The following AK7 variants were observed in gnomAD, a reference collection of about 807,000 sequenced individuals.
AK7 encodes the protein adenylate kinase 7.
In AK7, 78 loss-of-function variants were observed where a neutral mutation model predicts 96.6. The ratio of observed to expected loss-of-function variants is 0.81; its 90% confidence interval spans 0.67 to 0.97. The LOEUF is 0.97. AK7 is among the 50% of genes least tolerant of loss of function. The probability of loss-of-function intolerance (pLI) is 0.00; values close to 1 mark genes in which losing one functional copy is unlikely to be tolerated. For missense variants in AK7, 855 were observed against 887.9 expected (o/e 0.96, Z 0.47); for synonymous variants, 302 against 317.2 (o/e 0.95, Z 0.51).
chr14:96,417,287 A>G (rs909206430), intron 4 of AK7, among the ~76,000 whole-genome samples: 1 of 70,160 alleles, frequency 1.4e-5, no homozygotes, highest in Non-Finnish European at 2.8e-5. Flanking sequence ...TAGCATACCT[A>G]TACCCTGTGC....
intron 11 of AK7, among the ~76,000 whole-genome samples, 193 bp from the exon 12 acceptor site, chr14:96,457,890 C>T (rs1455894275): frequency 6.6e-6 from 1 of 152,136 alleles, no homozygotes; most frequent in Non-Finnish European, 1.5e-5. Context: ...CTTAAATATG[C>T]TGTAAGAAAA....
intron 9 of AK7, among the ~76,000 whole-genome samples, chr14:96,450,838 G>T (rs987442249): frequency 9.6e-5 from 14 of 145,102 alleles, no homozygotes; most frequent in African/African-American, 3.4e-4. Context: ...GCAGTGGCGC[G>T]ATCTCGGCTC....
chr14:96,459,699 G>A (rs1894148235), intron 12 of AK7, among the ~76,000 whole-genome samples: 1 of 151,668 alleles, frequency 6.6e-6, no homozygotes, highest in South Asian at 2.1e-4. Flanking sequence ...CCAAGATGAT[G>A]AAACCCGTCT....
At chr14:96,427,606 C>G (rs1029852691) in intron 5 of AK7, among the ~76,000 whole-genome samples, 2 of 152,180 alleles carry the variant, frequency 1.3e-5, no homozygotes, top group Non-Finnish European at 2.9e-5. Context: ...TTGTTTGAGT[C>G]AAATCTGCAT....
chr14:96,449,973 T>C, intron 9 of AK7, 94 bp downstream of exon 9: 1 of 1,001,860 alleles, frequency 1.0e-6, no homozygotes, highest in South Asian at 1.6e-5. Flanking sequence ...TTTGGCTAAA[T>C]AACATTGATC....
chr14:96,413,105 CTG>C (rs1343828615), intron 4 of AK7, among the ~76,000 whole-genome samples: 1 of 152,116 alleles, frequency 6.6e-6, no homozygotes, highest in Non-Finnish European at 1.5e-5. Flanking sequence ...GGAGTTGATT[CTG>C]TGTCTTGGGC....
chr14:96,424,961 T>A (rs1482571385), intron 5 of AK7, among the ~76,000 whole-genome samples: 2 of 152,214 alleles, frequency 1.3e-5, no homozygotes, highest in African/African-American at 2.4e-5. Context: ...TTAATATATT[T>A]TTATTACAAA....
At chr14:96,408,017 C>G (rs1890822703) in intron 3 of AK7, among the ~76,000 whole-genome samples, 1 of 152,164 alleles carries the variant, frequency 6.6e-6, no homozygotes, top group African/African-American at 2.4e-5. Context: ...ATAAAATGCT[C>G]TCCTTTCTCT....
chr14:96,443,674 G>T (rs1048282651), intron 7 of AK7, among the ~76,000 whole-genome samples: 2 of 151,724 alleles, frequency 1.3e-5, no homozygotes, highest in East Asian at 3.9e-4. Flanking sequence ...CCAATCTTTC[G>T]GCTTCCCTGG....
In AK7 at chr14:96,458,134, G is replaced by A. The variant is rs1894038607; in HGVS notation, c.1279G>A (p.Glu427Lys). ...DVGEGEEEVE[E>K]EEEEENVEDA... is the part of the protein sequence containing the mutation. Reference sequence around the variant, plus strand: ...AGGGGAAGGAGAAGAAGAAGTCGAAGAGGAAGAGGAGGAGGAGAATGTGGA... The same window carrying A: ...AGGGGAAGGAGAAGAAGAAGTCGAAAAGGAAGAGGAGGAGGAGAATGTGGA... Residue 427 changes from glutamate (E) to lysine (K), a missense_variant, in exon 12 of 18, where the codon GAG (glutamate) becomes AAG (lysine). Glu to Lys is a moderately conservative substitution (Grantham distance 56). Transcript: ENST00000267584. 1 of 1,614,060 alleles carries A rather than the reference G, an allele frequency of 6.2e-7. No individual in the cohort carries two copies. Among genetic ancestry groups the A allele is most frequent in the Admixed American group, 1.7e-5 (1 of 60,012 alleles).
chr14:96,427,757 G>A (rs1892113246), intron 5 of AK7, among the ~76,000 whole-genome samples: 1 of 151,932 alleles, frequency 6.6e-6, no homozygotes, highest in African/African-American at 2.4e-5. Context: ...ACTCTTAGAG[G>A]TGCCCTTTTG....
chr14:96,456,319 G>C (rs1893901860), intron 10 of AK7, 28 bp from the exon 11 acceptor site: 1 of 1,568,822 alleles, frequency 6.4e-7, no homozygotes, highest in East Asian at 2.4e-5. Context: ...AGAGCTTGCT[G>C]TATGTTCCTT....
intron 12 of AK7, among the ~76,000 whole-genome samples, chr14:96,458,498 T>G (rs1282891112): frequency 6.6e-6 from 1 of 151,942 alleles, no homozygotes; most frequent in Non-Finnish European, 1.5e-5. Context: ...TCCCAGCACT[T>G]TGGGAGGCCG....
chr14:96,415,874 G>A (rs1891321693), intron 4 of AK7, among the ~76,000 whole-genome samples: 1 of 151,092 alleles, frequency 6.6e-6, no homozygotes, highest in Non-Finnish European at 1.5e-5. Context: ...ATATATTGGG[G>A]TTGGTTTTTC....
At chr14:96,400,782 C>T (rs1171947627) in intron 2 of AK7, among the ~76,000 whole-genome samples, 1 of 152,220 alleles carries the variant, frequency 6.6e-6, no homozygotes, top group African/African-American at 2.4e-5. Context: ...CAGTCACTTA[C>T]CCTTAGATCA....
chr14:96,450,858 T>C (rs1469816458), intron 9 of AK7, among the ~76,000 whole-genome samples: 1 of 150,510 alleles, frequency 6.6e-6, no homozygotes, highest in Non-Finnish European at 1.5e-5. Flanking sequence ...CACTGCAAGT[T>C]CCACCTCCCG....
intron 5 of AK7, chr14:96,423,808 C>A: frequency 1.3e-6 from 1 of 760,786 alleles, no homozygotes; most frequent in Admixed American, 1.7e-5. Flanking sequence ...GGGACGCCAC[C>A]TTGAATTTGC....
chr14:96,417,776 A>C (rs552858484), intron 4 of AK7, among the ~76,000 whole-genome samples: 7 of 152,322 alleles, frequency 4.6e-5, no homozygotes, highest in Non-Finnish European at 8.8e-5. Context: ...TTGAAATGTC[A>C]TTCACAACTC....
intron 5 of AK7, among the ~76,000 whole-genome samples, chr14:96,431,979 T>C (rs1892377525): frequency 6.6e-6 from 1 of 152,214 alleles, no homozygotes; most frequent in African/African-American, 2.4e-5. Context: ...AGTTAGCTCT[T>C]CTTGTTGAAT....
Sources: gnomAD v4.1 joint callset for allele counts (sites outside exome capture counted in the v4.1 genomes callset) on GRCh38, gnomAD v4.1.1 for gene constraint, MANE v1.5 for transcripts, NCBI Gene and HGNC (gene_info 2026-07-23, HGNC 2026-07-21) for gene names.